ADSS2: variants seen among roughly 807,000 people sequenced by gnomAD.
ADSS2 encodes adenylosuccinate synthase 2, also known as adenylosuccinate synthetase isozyme 2.
Under a neutral mutation model 60.0 loss-of-function variants are expected in ADSS2, and 30 were observed. That is an observed-to-expected ratio of 0.50 (90% CI 0.37 to 0.68). ADSS2 has a LOEUF of 0.68. ADSS2 is among the 30% of genes least tolerant of loss of function. The pLI, the probability that ADSS2 is intolerant of heterozygous loss-of-function variation, is 0.00. For missense variants in ADSS2, 373 were observed against 554.8 expected, an observed-to-expected ratio of 0.67 and a Z score of 3.29; for synonymous variants, 187 against 193.1, an observed-to-expected ratio of 0.97 and a Z score of 0.26.
At chr1:244,422,489 C>T (rs1299693623) in intron 7 of ADSS2, among the ~76,000 whole-genome samples, 1 of 152,222 alleles carries the variant, frequency 6.6e-6, no homozygotes, top group Admixed American at 6.5e-5. Context: ...GCTGATCTGT[C>T]CTCCAATTGT....
At chr1:244,418,700 A>AG in intron 9 of ADSS2, 60 bp downstream of exon 9, 5 of 1,457,032 alleles carry the variant, frequency 3.4e-6, no homozygotes, top group Non-Finnish European at 4.6e-6. Flanking sequence ...TAATTCATTA[A>AG]GAAAAAAAAG....
intron 7 of ADSS2, among the ~76,000 whole-genome samples, chr1:244,421,253 A>G (rs1664669370): frequency 6.6e-6 from 1 of 152,230 alleles, no homozygotes; most frequent in South Asian, 2.1e-4. Flanking sequence ...TCAGAACTCA[A>G]TTAAAAATGT....
chr1:244,425,191 C>T (rs1287848035), intron 4 of ADSS2, among the ~76,000 whole-genome samples: 1 of 152,170 alleles, frequency 6.6e-6, no homozygotes, highest in East Asian at 1.9e-4. Context: ...TATTTACTGA[C>T]TCAATAAATA....
chr1:244,437,053 T>C (rs753752233), intron 2 of ADSS2, among the ~76,000 whole-genome samples, 160 bp from the exon 3 acceptor site: 9 of 152,150 alleles, frequency 5.9e-5, no homozygotes, highest in Non-Finnish European at 1.2e-4. Context: ...ATAGTGAATA[T>C]AAAACACTAG....
intron 3 of ADSS2, among the ~76,000 whole-genome samples, chr1:244,433,368 T>A (rs1039252188): frequency 1.3e-5 from 2 of 152,210 alleles, no homozygotes; most frequent in African/African-American, 2.4e-5. Flanking sequence ...ATAAATTCAC[T>A]CACATGCTAT....
intron 4 of ADSS2, among the ~76,000 whole-genome samples, chr1:244,431,883 C>T (rs938081160): frequency 4.6e-5 from 7 of 152,144 alleles, no homozygotes; most frequent in Non-Finnish European, 1.0e-4. Context: ...GATGAGGCTG[C>T]CTTTTAAATA....
At position 244,451,877 on chromosome 1, in the gene ADSS2, G is replaced by C. The variant is rs113786597; in HGVS notation, c.-60C>G. On this transcript the variant is annotated 5_prime_UTR_variant, in exon 1 of 13. Transcript: ENST00000366535. The surrounding 1 kb of genome is among the most constrained non-coding windows in gnomAD (Gnocchi z 6.6). ...GCGGCCGGCGAGGAGTGAGCGAACT[G>C]AACTGCTCTGCGGCCGCCAGCCACA... 1 of 1,440,686 alleles carries C rather than the reference G, an allele frequency of 6.9e-7. No homozygotes were observed. The highest frequency in any genetic ancestry group is 1.4e-5 in the South Asian group (1 of 73,070). 89.2% of individuals were successfully genotyped at this position (1,440,686 alleles called of 1,614,324 possible). A position where few individuals can be genotyped will look rare whatever the true frequency, so the allele number is the denominator to read the frequency against.
chr1:244,432,392 A>G (rs1664965414), intron 4 of ADSS2, among the ~76,000 whole-genome samples, 153 bp downstream of exon 4: 1 of 152,204 alleles, frequency 6.6e-6, no homozygotes, highest in Admixed American at 6.5e-5. Flanking sequence ...GAAAAAAATT[A>G]GTAAGTATTT....
chr1:244,423,833 C>T, intron 6 of ADSS2, 120 bp downstream of exon 6: 1 of 664,738 alleles, frequency 1.5e-6, no homozygotes, highest in Non-Finnish European at 2.5e-6. Context: ...TATTTCAAAC[C>T]TAAAAAAGCC....
At chr1:244,450,705 G>A (rs767054603) in intron 1 of ADSS2, among the ~76,000 whole-genome samples, 8 of 152,144 alleles carry the variant, frequency 5.3e-5, no homozygotes, top group Non-Finnish European at 1.2e-4. Context: ...AGTTATCTGA[G>A]AGCCTTTACA....
chr1:244,414,464 T>C (rs1664483662), intron 11 of ADSS2, among the ~76,000 whole-genome samples: 1 of 152,126 alleles, frequency 6.6e-6, no homozygotes, highest in Admixed American at 6.6e-5. Context: ...TCAGAATCAT[T>C]TACCTCTTCC....
In ADSS2 at chr1:244,432,535, T is replaced by A; in HGVS notation, c.406+10A>T. Reference sequence around the variant, plus strand: ...GATAGTTACAAATAAATGCAATATATCCACCTTACCAATATGAGCTCTGTC... The same window carrying A: ...GATAGTTACAAATAAATGCAATATAACCACCTTACCAATATGAGCTCTGTC... On this transcript the variant is annotated intron_variant, in intron 4 of 12. Transcript: ENST00000366535. 1 of 1,547,392 alleles carries A rather than the reference T, an allele frequency of 6.5e-7. No individual in the cohort carries two copies.
intron 1 of ADSS2, among the ~76,000 whole-genome samples, chr1:244,447,859 C>T (rs934414017): frequency 2.6e-5 from 4 of 152,010 alleles, no homozygotes; most frequent in Non-Finnish European, 4.4e-5. Flanking sequence ...GTGATCTTGC[C>T]ACCCAGAATA....
intron 1 of ADSS2, among the ~76,000 whole-genome samples, chr1:244,441,296 G>T (rs1260640624): frequency 6.6e-6 from 1 of 152,098 alleles, no homozygotes; most frequent in Non-Finnish European, 1.5e-5. Context: ...CTGACTTTGT[G>T]ATCCGCCCGC....
chr1:244,442,947 AC>A (rs1665282968), intron 1 of ADSS2, among the ~76,000 whole-genome samples: 1 of 152,130 alleles, frequency 6.6e-6, no homozygotes. Flanking sequence ...GAGCACCATA[AC>A]CAAAAACAGT....
At chr1:244,445,858 A>G (rs1665371554) in intron 1 of ADSS2, among the ~76,000 whole-genome samples, 1 of 152,170 alleles carries the variant, frequency 6.6e-6, no homozygotes, top group Non-Finnish European at 1.5e-5. Context: ...CTTTTCCAGA[A>G]TACAGGCCCA....
chr1:244,445,436 T>C (rs1296417441), intron 1 of ADSS2, among the ~76,000 whole-genome samples: 4 of 152,216 alleles, frequency 2.6e-5, no homozygotes, highest in African/African-American at 9.7e-5. Context: ...ATTTAGTTAT[T>C]CTGTAACTGT....
intron 1 of ADSS2, among the ~76,000 whole-genome samples, chr1:244,444,352 A>G (rs1243489280): frequency 6.8e-6 from 1 of 146,948 alleles, no homozygotes; most frequent in African/African-American, 2.6e-5. Flanking sequence ...CGTCTCTACT[A>G]AAAATACAAA....
At chr1:244,433,795 G>A (rs1665012326) in intron 3 of ADSS2, among the ~76,000 whole-genome samples, 2 of 141,690 alleles carry the variant, frequency 1.4e-5, no homozygotes, top group African/African-American at 5.2e-5. Flanking sequence ...GGGAGGCGGA[G>A]ACTGCAGTGA....
Sources: gnomAD v4.1 joint callset for allele counts (sites outside exome capture counted in the v4.1 genomes callset) on GRCh38, gnomAD v4.1.1 for gene constraint, Gnocchi (gnomAD v3.1) non-coding constraint, MANE v1.5 for transcripts, NCBI Gene and HGNC (gene_info 2026-07-23, HGNC 2026-07-21) for gene names.